Variants in FRS2 observed in about 807,000 individuals in gnomAD.
FRS2 encodes the protein FGFR signalling adaptor.
A neutral mutation model predicts 43.9 loss-of-function variants in FRS2; 8 were observed. The ratio of observed to expected loss-of-function variants is 0.18; its 90% CI spans 0.11 to 0.33. The LOEUF is 0.33. FRS2 is among the 10% of genes least tolerant of loss of function. The pLI, the probability that FRS2 is intolerant of heterozygous loss-of-function variation, is 1.00. For synonymous variants in FRS2, 219 were observed against 220.3 expected (o/e 0.99, Z 0.05); for missense variants, 534 against 627.6 (o/e 0.85, Z 1.59).
chr12:69,527,273 G>A (rs1876336274), intron 1 of FRS2, among the ~76,000 whole-genome samples: 1 of 147,488 alleles, frequency 6.8e-6, no homozygotes, highest in Non-Finnish European at 1.5e-5. Context: ...TTAATGTATA[G>A]CAGTGAATCT....
At position 69,548,334 on chromosome 12, in the gene FRS2, ATTT is replaced by A. The variant is rs1201623572; in HGVS notation, c.-121-13844_-121-13842del. Among the ~76,000 whole-genome samples the A allele has an allele frequency of 7.9e-5, 12 of 152,302 alleles. No individual in the cohort carries two copies. In the East Asian group the frequency reaches 2.3e-3, roughly 29 times the overall value. On this transcript the variant is annotated intron_variant, in intron 3 of 8. Coordinates refer to ENST00000549921, the MANE Select transcript of FRS2 (RefSeq NM_001278356.2). Reference sequence around the variant, plus strand: ...GTAAGCAGTAGTTGAACTTGGATATATTTTGAAGATACATCTGAAAGGATTGAT... The same window carrying A: ...GTAAGCAGTAGTTGAACTTGGATATATGAAGATACATCTGAAAGGATTGAT...
At position 69,575,141 on chromosome 12, in the gene FRS2, T is replaced by C. The variant is rs1465719685; in HGVS notation, c.*186T>C. On this transcript the variant is annotated 3_prime_UTR_variant, in exon 9 of 9. Coordinates refer to ENST00000549921, the MANE Select transcript of FRS2 (RefSeq NM_001278356.2). ...GCAGGTACTCCTTAAAGAACACTAA[T>C]TTCATTATATACTACTCGTTGTACA... is the stretch of plus-strand genomic sequence containing the variant. The C allele has an allele frequency of 5.3e-6, 3 of 563,594 alleles. No individual in the cohort carries two copies. In the African/African-American group the frequency reaches 5.6e-5, roughly 11 times the overall value. 34.9% of individuals were successfully genotyped at this position (563,594 alleles called of 1,614,324 possible).
Position 69,571,185 on chromosome 12 carries a change from C to T in FRS2, c.254-91C>T, listed in dbSNP as rs527536013. ...GATTTCTGACTCGGTGCGTAGAATG[C>T]TTACTTTACAATTCTGCTGTTTGTC... is the stretch of plus-strand genomic sequence containing the variant. On this transcript the variant is annotated intron_variant, in intron 6 of 8. Coordinates refer to ENST00000549921, the MANE Select transcript of FRS2 (RefSeq NM_001278356.2). 3 of 742,082 alleles carry T rather than the reference C, an allele frequency of 4.0e-6. No homozygotes were observed. In the African/African-American group the frequency reaches 5.3e-5, roughly 13 times the overall value. The allele number at this position is 742,082 out of a possible 1,614,324, so 46.0% of individuals were successfully genotyped here.
chr12:69,562,011 A>G (rs553791404), intron 3 of FRS2, 169 bp from the exon 4 acceptor site: 1 of 367,226 alleles, frequency 2.7e-6, no homozygotes, highest in African/African-American at 2.1e-5. Flanking sequence ...TGTGCATATT[A>G]TATTACTTTT....
At chr12:69,540,187 A>G (rs1323201374) in intron 3 of FRS2, among the ~76,000 whole-genome samples, 1 of 151,920 alleles carries the variant, frequency 6.6e-6, no homozygotes, top group Non-Finnish European at 1.5e-5. Flanking sequence ...CAGGAGGCAG[A>G]GCTTGCAGTG....
chr12:69,551,739 G>C (rs901039134), intron 3 of FRS2, among the ~76,000 whole-genome samples: 2 of 151,958 alleles, frequency 1.3e-5, no homozygotes, highest in Non-Finnish European at 2.9e-5. Flanking sequence ...CATCACATCA[G>C]TCGTGGATGC....
chr12:69,534,795 T>A (rs1037968303), intron 3 of FRS2, among the ~76,000 whole-genome samples: 2 of 152,194 alleles, frequency 1.3e-5, no homozygotes, highest in African/African-American at 4.8e-5. Context: ...GCTTACAGTT[T>A]AGATGAAAAA....
At chr12:69,525,312 A>G (rs1033433331) in intron 1 of FRS2, among the ~76,000 whole-genome samples, 1 of 152,104 alleles carries the variant, frequency 6.6e-6, no homozygotes, top group African/African-American at 2.4e-5. Context: ...GTGAGTATTC[A>G]AGAGGAAGGA....
At chr12:69,527,365 A>T (rs1210656709) in intron 1 of FRS2, among the ~76,000 whole-genome samples, 7 of 12,876 alleles carry the variant, frequency 5.4e-4, no homozygotes, top group African/African-American at 9.9e-4. Flanking sequence ...TTTTTTTTTT[A>T]AAGAGACAAG....
intron 1 of FRS2, among the ~76,000 whole-genome samples, chr12:69,477,482 C>T (rs1388536576): frequency 6.6e-6 from 1 of 150,942 alleles, no homozygotes; most frequent in Non-Finnish European, 1.5e-5. Context: ...CGGGGTTTCA[C>T]CGTGTTAGCC....
At chr12:69,568,705 T>C (rs1188241660) in intron 4 of FRS2, among the ~76,000 whole-genome samples, 1 of 134,772 alleles carries the variant, frequency 7.4e-6, no homozygotes, top group Admixed American at 7.7e-5. Context: ...GGTAATATTA[T>C]ATATGAGACC....
At chr12:69,529,789 G>T (rs188755421) in intron 1 of FRS2, among the ~76,000 whole-genome samples, 232 of 152,230 alleles carry the variant, frequency 1.5e-3, no homozygotes, top group Non-Finnish European at 2.9e-3. Flanking sequence ...GCTGGATGTG[G>T]CAGCTCACGC....
chr12:69,536,101 CTTTTTTTTTTTTTTTTTT>C (rs71094720), intron 3 of FRS2, among the ~76,000 whole-genome samples: 4 of 37,170 alleles, frequency 1.1e-4, no homozygotes, highest in Non-Finnish European at 2.1e-4. Flanking sequence ...TATTTTCATT[CTTTTTTTTTTTTTTTTTT>C]TTTTTTTTTT....
chr12:69,530,190 CAATTAATGATAATAATTGTTTATAAT>C (rs1702274172), intron 1 of FRS2, among the ~76,000 whole-genome samples: 1 of 147,940 alleles, frequency 6.8e-6, no homozygotes, highest in African/African-American at 2.6e-5. Context: ...TTGCTTACAA[CAATTAATGATAATAATTGTTTATAAT>C]AAATAAGCAA....
chr12:69,555,620 G>A (rs4761243), intron 3 of FRS2, among the ~76,000 whole-genome samples: 29,453 of 152,032 alleles, frequency 0.19, 3,105 homozygotes, highest in Middle Eastern at 0.31. Context: ...TGTGGGATGC[G>A]AAATTTCCAT....
At chr12:69,515,967 A>T (rs1408698562) in intron 1 of FRS2, among the ~76,000 whole-genome samples, 2 of 149,500 alleles carry the variant, frequency 1.3e-5, no homozygotes, top group African/African-American at 4.9e-5. Context: ...GGAAATATCC[A>T]GCTTGGTTTG....
chr12:69,513,535 G>A (rs1271925781), intron 1 of FRS2, among the ~76,000 whole-genome samples: 2 of 152,164 alleles, frequency 1.3e-5, no homozygotes, highest in African/African-American at 4.8e-5. Flanking sequence ...TAGACCTGCA[G>A]AGAAATCTGG....
At chr12:69,506,699 T>C (rs1873965266) in intron 1 of FRS2, among the ~76,000 whole-genome samples, 1 of 152,186 alleles carries the variant, frequency 6.6e-6, no homozygotes, top group African/African-American at 2.4e-5. Context: ...GTTTACTTCT[T>C]AGTCATTTCT....
rs1881351304 is a variant in FRS2 at position 69,578,706 on chromosome 12, ATAT to A, written c.*3753_*3755del. On this transcript the variant is annotated 3_prime_UTR_variant, in exon 9 of 9. Coordinates refer to ENST00000549921, the MANE Select transcript of FRS2 (RefSeq NM_001278356.2). Reference sequence around the variant, plus strand: ...TGTTTTATTTTCATTACATTGTATAATATTGTAAGACTATTGTATGTCCTAATT... The same window carrying A: ...TGTTTTATTTTCATTACATTGTATAATGTAAGACTATTGTATGTCCTAATT... 1.3e-5 allele frequency: 2 copies of A among 152,640 alleles called. No homozygotes were observed. Among genetic ancestry groups the A allele is most frequent in the Admixed American group, 1.3e-4 (2 of 15,272 alleles). 9.5% of individuals were successfully genotyped at this position (152,640 alleles called of 1,614,324 possible).
Sources: allele counts gnomAD v4.1 joint callset (sites outside exome capture counted in the v4.1 genomes callset), GRCh38; gene constraint gnomAD v4.1.1; transcripts MANE v1.5; gene names NCBI Gene and HGNC (gene_info 2026-07-23, HGNC 2026-07-21).